RAB27B: variants seen among roughly 807,000 people sequenced by gnomAD.
RAB27B encodes ras-related protein Rab-27B.
RAB27B carries 15 observed loss-of-function variants against 24.6 expected under a neutral mutation model. The observed-to-expected ratio is 0.61, with a 90% CI of 0.41 to 0.94. The LOEUF (loss-of-function observed/expected upper bound fraction) is 0.94. RAB27B is among the 40% of genes least tolerant of loss of function. The pLI, the probability that RAB27B is intolerant of heterozygous loss-of-function variation, is 0.00. For synonymous variants in RAB27B, 105 were observed against 92.5 expected (o/e 1.14, Z -0.78); for missense variants, 261 against 266.8 (o/e 0.98, Z 0.15).
chr18:54,754,061 G>T (rs1030413548), intron 2 of RAB27B, among the ~76,000 whole-genome samples: 6 of 152,148 alleles, frequency 3.9e-5, no homozygotes, highest in Admixed American at 3.9e-4. Context: ...TAATGATATG[G>T]TTTGGCTCTG....
At chr18:54,795,766 G>C (rs933427208) in intron 2 of RAB27B, among the ~76,000 whole-genome samples, 2 of 152,164 alleles carry the variant, frequency 1.3e-5, no homozygotes, top group South Asian at 4.1e-4. Flanking sequence ...TATTGGGTCA[G>C]TTTTGCATGT....
chr18:54,884,566 C>T (rs184665525), intron 4 of RAB27B, 130 bp downstream of exon 4: 230 of 588,592 alleles, frequency 3.9e-4, no homozygotes, highest in African/African-American at 3.2e-3. Context: ...TTAGTGTTGC[C>T]TGTGCCACTG....
At chr18:54,858,822 A>C (rs1417500706) in intron 1 of RAB27B, among the ~76,000 whole-genome samples, 1 of 152,200 alleles carries the variant, frequency 6.6e-6, no homozygotes, top group African/African-American at 2.4e-5. Flanking sequence ...TAGGAAGAGC[A>C]TTCTTTGACA....
At chr18:54,798,001 A>G (rs1909478805) in intron 2 of RAB27B, among the ~76,000 whole-genome samples, 1 of 152,196 alleles carries the variant, frequency 6.6e-6, no homozygotes, top group Non-Finnish European at 1.5e-5. Context: ...TGATTCGGAT[A>G]AGTTGAATAT....
At chr18:54,886,437 G>A (rs1428739410) in intron 4 of RAB27B, among the ~76,000 whole-genome samples, 1 of 151,880 alleles carries the variant, frequency 6.6e-6, no homozygotes, top group Admixed American at 6.6e-5. Context: ...AATTGATAAT[G>A]TATTTTGTAT....
At chr18:54,860,358 G>A (rs1326153596) in intron 1 of RAB27B, among the ~76,000 whole-genome samples, 1 of 151,964 alleles carries the variant, frequency 6.6e-6, no homozygotes, top group Non-Finnish European at 1.5e-5. Flanking sequence ...ATCTGCCACG[G>A]CCCCCTAAAG....
rs1412191217 is a variant in RAB27B, at chr18:54,889,812, TTTAC to T, written c.*402_*405del. The T allele has an allele frequency of 1.9e-5, 3 of 155,194 alleles. No individual in the cohort carries two copies. The highest frequency in any genetic ancestry group is 7.2e-5 in the African/African-American group (3 of 41,508). The allele number at this position is 155,194 out of a possible 1,614,324, so 9.6% of individuals were successfully genotyped here. On this transcript the variant is annotated 3_prime_UTR_variant, in exon 6 of 6. Coordinates refer to ENST00000262094, the MANE Select transcript of RAB27B (RefSeq NM_004163.4). ...AAAGAAGAATTTCTAAAATATTGGA[TTTAC>T]TTCTTATATTGAGTCAGATGCATAC...
At chr18:54,767,090 C>T (rs1908386720) in intron 2 of RAB27B, among the ~76,000 whole-genome samples, 1 of 152,134 alleles carries the variant, frequency 6.6e-6, no homozygotes, top group Admixed American at 6.6e-5. Flanking sequence ...GGTGGGGAAA[C>T]TTTAGTCAAT....
intron 1 of RAB27B, among the ~76,000 whole-genome samples, chr18:54,849,489 A>G (rs529188522): frequency 6.6e-6 from 1 of 152,206 alleles, no homozygotes; most frequent in South Asian, 2.1e-4. Context: ...AGGCCGAGGG[A>G]GCGTGGATCA....
chr18:54,803,600 G>GT (rs1909677745), intron 2 of RAB27B, among the ~76,000 whole-genome samples: 1 of 152,162 alleles, frequency 6.6e-6, no homozygotes, highest in Non-Finnish European at 1.5e-5. Context: ...AAATTACAGC[G>GT]TAGTGCAAGC....
At chr18:54,839,486 A>G (rs1387651566) in intron 1 of RAB27B, among the ~76,000 whole-genome samples, 1 of 152,212 alleles carries the variant, frequency 6.6e-6, no homozygotes, top group East Asian at 1.9e-4. Context: ...AGGTAACCCA[A>G]TTACCAAAAT....
chr18:54,840,291 C>T (rs1453269841), intron 1 of RAB27B, among the ~76,000 whole-genome samples: 1 of 152,186 alleles, frequency 6.6e-6, no homozygotes, highest in Non-Finnish European at 1.5e-5. Flanking sequence ...TGCCATTTTG[C>T]AGCCCCCAAG....
chr18:54,810,687 G>T (rs1364315905), intron 2 of RAB27B, among the ~76,000 whole-genome samples: 1 of 151,844 alleles, frequency 6.6e-6, no homozygotes, highest in Non-Finnish European at 1.5e-5. Flanking sequence ...AAAATTAGCT[G>T]GGTGTGGTGG....
At chr18:54,802,503 G>A (rs191370020) in intron 2 of RAB27B, among the ~76,000 whole-genome samples, 79 of 152,258 alleles carry the variant, frequency 5.2e-4, no homozygotes, top group East Asian at 1.9e-4. Context: ...TGTTTTGACT[G>A]AACGGTCAGC....
At chr18:54,819,531 C>CAAAAAAAAAAAAA (rs33940922) in intron 2 of RAB27B, among the ~76,000 whole-genome samples, 1 of 65,168 alleles carries the variant, frequency 1.5e-5, no homozygotes, top group Non-Finnish European at 3.0e-5. Flanking sequence ...GACTCCATCT[C>CAAAAAAAAAAAAA]AAAAAAAAAA....
At chr18:54,856,734 T>C (rs1911798989) in intron 1 of RAB27B, among the ~76,000 whole-genome samples, 1 of 152,256 alleles carries the variant, frequency 6.6e-6, no homozygotes, top group Non-Finnish European at 1.5e-5. Flanking sequence ...TGGAGCCTTT[T>C]AGGATGTTTC....
chr18:54,813,807 T>C (rs1002753218), intron 2 of RAB27B, among the ~76,000 whole-genome samples: 4 of 152,140 alleles, frequency 2.6e-5, no homozygotes. Context: ...ATGAGCGATA[T>C]CTATACTTCA....
At chr18:54,772,006 C>T (rs574494129) in intron 2 of RAB27B, among the ~76,000 whole-genome samples, 9 of 152,292 alleles carry the variant, frequency 5.9e-5, no homozygotes, top group African/African-American at 2.2e-4. Flanking sequence ...CACACACATT[C>T]AACCTACACA....
At chr18:54,751,128 A>G (rs1907817211) in intron 2 of RAB27B, among the ~76,000 whole-genome samples, 1 of 152,178 alleles carries the variant, frequency 6.6e-6, no homozygotes, top group South Asian at 2.1e-4. Context: ...ACACTCTGGC[A>G]GTTTTATAGC....
Sources: gnomAD v4.1 joint callset for allele counts (sites outside exome capture counted in the v4.1 genomes callset) on GRCh38, gnomAD v4.1.1 for gene constraint, MANE v1.5 for transcripts, NCBI Gene and HGNC (gene_info 2026-07-23, HGNC 2026-07-21) for gene names.